EPHA5: variants seen among roughly 807,000 people sequenced by gnomAD.
The protein encoded by EPHA5 is ephrin type-A receptor 5.
EPHA5 carries 60 observed loss-of-function variants against 105.0 expected under a neutral mutation model. That is an observed-to-expected ratio of 0.57 (90% CI 0.46 to 0.71). EPHA5 has a LOEUF of 0.71. Ranked by LOEUF, EPHA5 falls within the 30% of genes least tolerant of loss-of-function variation. The pLI is 0.00. For synonymous variants in EPHA5, 513 were observed against 449.1 expected (o/e 1.14, Z -1.80); for missense variants, 1,218 against 1,274.7 (o/e 0.96, Z 0.68).
intron 16 of EPHA5, chr4:65,331,375 T>G (rs1720599420): frequency 1.9e-6 from 2 of 1,042,074 alleles, no homozygotes; most frequent in Middle Eastern, 4.4e-4. Context: ...AATTTTATCT[T>G]AAACGTGCAA....
At position 65,495,471 on chromosome 4, in the gene EPHA5, G is replaced by T; in HGVS notation, c.983C>A (p.Thr328Asn). 9 of 1,613,658 alleles carry T rather than the reference G, an allele frequency of 5.6e-6. No homozygotes were observed. The highest frequency in any genetic ancestry group is 7.6e-6 in the Non-Finnish European group (9 of 1,179,652). Residue 328 changes from threonine (T) to asparagine (N), a missense_variant, in exon 4 of 17, where the codon ACC (threonine) becomes AAC (asparagine). Physicochemically the swap from Thr to Asn is moderately conservative, Grantham distance 65 (BLOSUM62 0). Transcript: ENST00000613740. ...ACAAGAGGTTGAAGCTTCCTCATGGGTATAACTGTGAGGTGGACATTTGCC... is the reference window on the plus strand; with the variant it reads ...ACAAGAGGTTGAAGCTTCCTCATGGTTATAACTGTGAGGTGGACATTTGCC... The part of the protein sequence containing the change: ...SCGKCPPHSY[T>N]HEEASTSCVC...
chr4:65,380,371 T>C (rs1719434607), intron 8 of EPHA5, among the ~76,000 whole-genome samples: 1 of 151,776 alleles, frequency 6.6e-6, no homozygotes, highest in South Asian at 2.1e-4. Context: ...TCAAATAAAA[T>C]TACTTTAGTC....
intron 5 of EPHA5, among the ~76,000 whole-genome samples, chr4:65,486,613 G>C (rs1253413262): frequency 6.6e-6 from 1 of 152,144 alleles, no homozygotes; most frequent in African/African-American, 2.4e-5. Context: ...GCTGAAAAAA[G>C]TTTTATATAA....
chr4:65,390,630 G>A (rs777462165), intron 8 of EPHA5, among the ~76,000 whole-genome samples: 1 of 152,022 alleles, frequency 6.6e-6, no homozygotes, highest in African/African-American at 2.4e-5. Context: ...AGATTCCAGT[G>A]CCGAATCTTG....
At chr4:65,584,156 A>C (rs1741903798) in intron 3 of EPHA5, among the ~76,000 whole-genome samples, 2 of 151,730 alleles carry the variant, frequency 1.3e-5, no homozygotes, top group African/African-American at 4.8e-5. Context: ...TAATAAAATC[A>C]ATCAAATGGA....
chr4:65,376,958 T>C lies in EPHA5; in HGVS notation c.1794-9534A>G, dbSNP rs10434241. The C allele has an allele frequency of 3.2e-6, 5 of 1,542,858 alleles. No individual in the cohort carries two copies. The East Asian group carries it at 9.1e-5, about 28-fold the overall frequency. The stretch of plus-strand genomic sequence containing the variant: ...GAATGCCGACGGTAATACATATAGG[T>C]GGACATCACATAGGAGTGAAAGTGG... On this transcript the variant is annotated intron_variant, in intron 8 of 16. Coordinates refer to ENST00000613740, the MANE Select transcript of EPHA5 (RefSeq NM_001281766.3).
rs529994532 is a variant in EPHA5 at position 65,447,578 on chromosome 4, A to G, written c.1403-27013T>C. ...AGCAAAAATTGACAAAAACTGGAAG[A>G]CCTCTAAATCTTACTACTATTTTTG... is the stretch of plus-strand genomic sequence containing the variant. On this transcript the variant is annotated intron_variant, in intron 5 of 16. Transcript: ENST00000613740. Among the ~76,000 whole-genome samples, 107 of 151,838 alleles carry G rather than the reference A, an allele frequency of 7.0e-4. 2 individuals carry two copies. The South Asian group carries it at 0.01, about 15-fold the overall frequency.
rs1311812893 is a variant in EPHA5, at chr4:65,495,511, G to C, written c.943C>G (p.His315Asp). 6.2e-7 allele frequency: 1 copy of C among 1,613,782 alleles called. No homozygotes were observed. Among genetic ancestry groups the C allele is most frequent in the Non-Finnish European group, 8.5e-7 (1 of 1,179,776 alleles). The change falls in exon 4 of 17, where the codon CAC becomes GAC. Residue 315 changes from histidine to aspartate, a missense_variant. His to Asp is a moderately conservative substitution (Grantham distance 81). This residue lies in a region of EPHA5 where 971 missense variants were observed against 1,013.5 expected (regional missense o/e 0.96). Coordinates refer to ENST00000613740, the MANE Select transcript of EPHA5 (RefSeq NM_001281766.3). ...GGACATTTGCCGCAGCTCTGGATGT[G>C]AGGTGAGGCTTTGAAGAACCCAGGT... ...CRPGFFKASP[H>D]IQSCGKCPPH...
Position 65,477,324 on chromosome 4 carries a change from G to C in EPHA5, c.1402+13053C>G, listed in dbSNP as rs867331416. On this transcript the variant is annotated intron_variant, in intron 5 of 16. Transcript: ENST00000613740. Reference sequence around the variant, plus strand: ...CATGATTCAGAGCATTCTGGCTCTAGTATAAGAATTGGTTTAGATTTCTAT... The same window carrying C: ...CATGATTCAGAGCATTCTGGCTCTACTATAAGAATTGGTTTAGATTTCTAT... 4.6e-5 allele frequency among the ~76,000 whole-genome samples: 7 copies of C among 152,186 alleles called. No individual in the cohort carries two copies. The East Asian group carries it at 1.2e-3, about 25-fold the overall frequency.
intron 5 of EPHA5, among the ~76,000 whole-genome samples, chr4:65,422,589 C>A (rs1724043249): frequency 6.6e-6 from 1 of 152,042 alleles, no homozygotes; most frequent in Admixed American, 6.6e-5. Flanking sequence ...CCAAGGAAAT[C>A]AAGTTGTGAA....
intron 15 of EPHA5, among the ~76,000 whole-genome samples, chr4:65,332,476 G>A (rs1312528460): frequency 2.6e-5 from 4 of 151,638 alleles, no homozygotes; most frequent in Non-Finnish European, 5.9e-5. Context: ...GTATAATGGT[G>A]GACACATTTG....
chr4:65,505,130 T>C (rs1000215154), intron 3 of EPHA5, among the ~76,000 whole-genome samples: 7 of 152,034 alleles, frequency 4.6e-5, no homozygotes, highest in Non-Finnish European at 8.8e-5. Context: ...ATTTGAGAAT[T>C]GGAAAGAAGT....
At chr4:65,406,175 C>A (rs921167832) in intron 7 of EPHA5, among the ~76,000 whole-genome samples, 2 of 152,116 alleles carry the variant, frequency 1.3e-5, no homozygotes, top group African/African-American at 4.8e-5. Context: ...TGCTTACAAG[C>A]CTAAGCAGAT....
intron 5 of EPHA5, among the ~76,000 whole-genome samples, chr4:65,473,941 G>T (rs948516127): frequency 4.1e-5 from 6 of 145,392 alleles, no homozygotes; most frequent in African/African-American, 1.5e-4. Context: ...GCATATTGAG[G>T]ATTAAGTACA....
At chr4:65,487,218 A>G (rs979643966) in intron 5 of EPHA5, among the ~76,000 whole-genome samples, 3 of 152,172 alleles carry the variant, frequency 2.0e-5, no homozygotes, top group Admixed American at 1.3e-4. Context: ...TGAGAAAATT[A>G]TGACAGTTAA....
At chr4:65,517,772 A>G (rs1415476589) in intron 3 of EPHA5, among the ~76,000 whole-genome samples, 1 of 151,922 alleles carries the variant, frequency 6.6e-6, no homozygotes, top group African/African-American at 2.4e-5. Flanking sequence ...TTCAAGTTGA[A>G]TCTATAATTT....
At chr4:65,411,954 C>T (rs1273796690) in intron 7 of EPHA5, among the ~76,000 whole-genome samples, 5 of 152,126 alleles carry the variant, frequency 3.3e-5, no homozygotes, top group Admixed American at 2.6e-4. Context: ...TTAGGCTGGG[C>T]ACGGTGGCTG....
intron 5 of EPHA5, among the ~76,000 whole-genome samples, chr4:65,472,862 G>A (rs1375781867): frequency 2.6e-5 from 4 of 152,154 alleles, no homozygotes; most frequent in Admixed American, 6.5e-5. Context: ...AATTAACATC[G>A]AGTTCCTTGT....
At chr4:65,583,376 T>C (rs1578492995) in intron 3 of EPHA5, among the ~76,000 whole-genome samples, 1 of 151,834 alleles carries the variant, frequency 6.6e-6, no homozygotes, top group East Asian at 1.9e-4. Flanking sequence ...AAAATTCATG[T>C]TCTCCTACCG....
Sources: allele counts gnomAD v4.1 joint callset (sites outside exome capture counted in the v4.1 genomes callset), GRCh38; gene constraint gnomAD v4.1.1; regional missense constraint gnomAD v4.1.1; transcripts MANE v1.5; gene names NCBI Gene and HGNC (gene_info 2026-07-23, HGNC 2026-07-21).